CCBE1: variants seen among roughly 807,000 people sequenced by gnomAD.
The protein encoded by CCBE1 is collagen and calcium binding EGF domains 1, also known as collagen and calcium-binding EGF domain-containing protein 1.
Under a neutral mutation model 50.0 loss-of-function variants are expected in CCBE1, and 37 were observed. That is an observed-to-expected ratio of 0.74 (90% CI 0.57 to 0.97). The LOEUF (loss-of-function observed/expected upper bound fraction) is 0.97, where lower values mean the gene tolerates loss of function less well. Ranked by LOEUF, CCBE1 falls within the 50% of genes least tolerant of loss-of-function variation. The probability of loss-of-function intolerance (pLI) is 0.00; values close to 1 mark genes in which losing one functional copy is unlikely to be tolerated. For missense variants in CCBE1, 538 were observed against 523.8 expected (o/e 1.03, Z -0.26); for synonymous variants, 234 against 203.7 (o/e 1.15, Z -1.27).
intron 2 of CCBE1, among the ~76,000 whole-genome samples, chr18:59,596,473 G>T (rs778048193): frequency 3.3e-5 from 5 of 152,118 alleles, no homozygotes; most frequent in African/African-American, 1.2e-4. Flanking sequence ...AAAGAATATG[G>T]TATTTCAGAA....
In CCBE1 at chr18:59,631,421, G is replaced by A. The variant is rs8098578; in HGVS notation, c.212+65208C>T. 6.8e-3 allele frequency among the ~76,000 whole-genome samples: 1,039 copies of A among 152,246 alleles called. 6 individuals carry two copies. Among genetic ancestry groups the A allele is most frequent in the African/African-American group, 0.023 (948 of 41,526 alleles). On this transcript the variant is annotated intron_variant, in intron 2 of 10. Transcript: ENST00000439986. The stretch of plus-strand genomic sequence containing the variant: ...AATTGGGTTTCTTTCACTTGCTACC[G>A]AGAGTGCCGACTTGAATCCAGAAAC...
At chr18:59,481,211 T>C (rs914301262) in intron 2 of CCBE1, among the ~76,000 whole-genome samples, 4 of 152,174 alleles carry the variant, frequency 2.6e-5, no homozygotes, top group African/African-American at 9.7e-5. Flanking sequence ...CTGGATGTGC[T>C]TAGCAGAAGA....
At chr18:59,440,666 T>G (rs1910381318) in intron 7 of CCBE1, among the ~76,000 whole-genome samples, 1 of 152,086 alleles carries the variant, frequency 6.6e-6, no homozygotes, top group Admixed American at 6.5e-5. Flanking sequence ...TACTTCTTAG[T>G]GAGGGGTAGG....
In CCBE1 at chr18:59,582,702, A is replaced by G. The variant is rs146256536; in HGVS notation, c.213-102464T>C. Among the ~76,000 whole-genome samples, 115 of 152,296 alleles carry G rather than the reference A, an allele frequency of 7.6e-4. 1 individual carries two copies. The highest frequency in any genetic ancestry group is 2.3e-3 in the East Asian group (12 of 5,178). On this transcript the variant is annotated intron_variant, in intron 2 of 10. Coordinates refer to ENST00000439986, the MANE Select transcript of CCBE1 (RefSeq NM_133459.4). ...CCACACCCAACCTCTTTCAGTTACT[A>G]TCTACCCTGCTCCCAAACTCTTTTT...
At chr18:59,684,628 G>A (rs192172483) in intron 2 of CCBE1, among the ~76,000 whole-genome samples, 38 of 152,298 alleles carry the variant, frequency 2.5e-4, no homozygotes, top group South Asian at 8.3e-4. Flanking sequence ...AAATGCAGTT[G>A]CATTTCCTTT....
At chr18:59,637,487 G>T (rs2053930247) in intron 2 of CCBE1, among the ~76,000 whole-genome samples, 1 of 151,932 alleles carries the variant, frequency 6.6e-6, no homozygotes, top group Non-Finnish European at 1.5e-5. Context: ...CAGAAGGACA[G>T]ATAAAACAAA....
At chr18:59,537,404 A>T (rs55718166) in intron 2 of CCBE1, among the ~76,000 whole-genome samples, 42,271 of 152,050 alleles carry the variant, frequency 0.28, 6,081 homozygotes, top group African/African-American at 0.33. Flanking sequence ...AAGATAATTG[A>T]ATCACGGGGG....
At chr18:59,477,272 A>G (rs895810331) in intron 3 of CCBE1, among the ~76,000 whole-genome samples, 1 of 152,226 alleles carries the variant, frequency 6.6e-6, no homozygotes, top group Non-Finnish European at 1.5e-5. Context: ...ACACCCTGTG[A>G]TTAAAAAGTC....
intron 7 of CCBE1, among the ~76,000 whole-genome samples, chr18:59,447,541 GAACA>G (rs148113098): frequency 6.6e-6 from 1 of 152,196 alleles, no homozygotes; most frequent in African/African-American, 2.4e-5. Flanking sequence ...ATAAATATGC[GAACA>G]AATAAGGAAA....
intron 2 of CCBE1, among the ~76,000 whole-genome samples, chr18:59,668,296 T>A (rs1348539167): frequency 6.6e-6 from 1 of 152,080 alleles, no homozygotes; most frequent in African/African-American, 2.4e-5. Flanking sequence ...TGGGTGCCTG[T>A]GATCCCAGCT....
At chr18:59,643,305 C>T (rs1049756158) in intron 2 of CCBE1, among the ~76,000 whole-genome samples, 17 of 152,164 alleles carry the variant, frequency 1.1e-4, no homozygotes, top group Admixed American at 3.9e-4. Flanking sequence ...AAGCCACCAT[C>T]GACACTATTT....
chr18:59,580,170 C>T (rs972229485), intron 2 of CCBE1, among the ~76,000 whole-genome samples: 1 of 152,168 alleles, frequency 6.6e-6, no homozygotes, highest in African/African-American at 2.4e-5. Flanking sequence ...GGCAAGCCTG[C>T]CTCTTGTTCT....
intron 1 of CCBE1, 93 bp downstream of exon 1, chr18:59,697,119 T>A: frequency 6.6e-7 from 1 of 1,508,132 alleles, no homozygotes; most frequent in Non-Finnish European, 9.0e-7. Flanking sequence ...CGGATCGCTG[T>A]GGGAGTGGGC....
rs111226033 is a variant in CCBE1, at chr18:59,582,614, C to T, written c.213-102376G>A. On this transcript the variant is annotated intron_variant, in intron 2 of 10. Transcript: ENST00000439986. The stretch of plus-strand genomic sequence containing the variant: ...TAGTGATGGGGGAAGGGAGCCCTTG[C>T]TGAGCCTGACAGCAGCAAGATCAGC... 5.9e-5 allele frequency among the ~76,000 whole-genome samples: 9 copies of T among 152,264 alleles called. 1 individual carries two copies. The highest frequency in any genetic ancestry group is 2.2e-4 in the African/African-American group (9 of 41,556).
At chr18:59,492,192 G>GC (rs1267446885) in intron 2 of CCBE1, among the ~76,000 whole-genome samples, 3 of 149,984 alleles carry the variant, frequency 2.0e-5, no homozygotes, top group African/African-American at 7.4e-5. Flanking sequence ...GGTGTAGCCA[G>GC]AGGTCTATGG....
intron 2 of CCBE1, chr18:59,568,416 GCA>G: frequency 1.3e-5 from 2 of 152,328 alleles, no homozygotes; most frequent in Admixed American, 1.3e-4. Flanking sequence ...AAAGGAGCTA[GCA>G]CAGAGTATTG....
chr18:59,448,127 A>T (rs1190581391), intron 6 of CCBE1, 24 bp from the exon 7 acceptor site: 39 of 1,612,974 alleles, frequency 2.4e-5, no homozygotes, highest in Non-Finnish European at 3.2e-5. Context: ...AGGAAGCCTC[A>T]GTCAGGAAGC....
chr18:59,692,531 T>C (rs1014704136), intron 2 of CCBE1, among the ~76,000 whole-genome samples: 3 of 152,220 alleles, frequency 2.0e-5, no homozygotes, highest in Non-Finnish European at 4.4e-5. Flanking sequence ...AAGTGCATTA[T>C]ACAGTCTTTC....
intron 2 of CCBE1, among the ~76,000 whole-genome samples, chr18:59,493,359 T>C (rs1913200311): frequency 6.6e-6 from 1 of 152,200 alleles, no homozygotes; most frequent in Non-Finnish European, 1.5e-5. Flanking sequence ...CTACTTTAAA[T>C]CATTTACAGA....
Sources: allele counts gnomAD v4.1 joint callset (sites outside exome capture counted in the v4.1 genomes callset), GRCh38; gene constraint gnomAD v4.1.1; transcripts MANE v1.5; gene names NCBI Gene and HGNC (gene_info 2026-07-23, HGNC 2026-07-21).